The following PLCD1 variants were observed in gnomAD, a reference collection of about 807,000 sequenced individuals.
The protein encoded by PLCD1 is phospholipase C delta 1.
In PLCD1, 71 loss-of-function variants were observed where a neutral mutation model predicts 87.4. The observed-to-expected ratio is 0.81, with a 90% CI of 0.67 to 0.99. PLCD1 has a LOEUF of 0.99. Ranked by LOEUF, PLCD1 falls within the 50% of genes least tolerant of loss-of-function variation. PLCD1 has a pLI of 0.00. For synonymous variants in PLCD1, 348 were observed against 399.2 expected (o/e 0.87, Z 1.53); for missense variants, 867 against 1,001.5 (o/e 0.87, Z 1.81).
rs535613096 is a variant in PLCD1 at position 38,025,556 on chromosome 3, C to T, written c.34+3950G>A. ...CTCAGGTGGGCCTGTTTGCTTCTCT[C>T]GGTTTGACCACCAAAGTGATAATCC... On this transcript the variant is annotated intron_variant, in intron 1 of 14. Coordinates refer to ENST00000334661, the MANE Select transcript of PLCD1 (RefSeq NM_006225.4). The surrounding 1 kb of genome is among the most constrained non-coding windows in gnomAD (Gnocchi z 4.0). Among the ~76,000 whole-genome samples the T allele has an allele frequency of 6.6e-6, 1 of 152,296 alleles. No individual in the cohort carries two copies. Among genetic ancestry groups the T allele is most frequent in the South Asian group, 2.1e-4 (1 of 4,830 alleles).
intron 3 of PLCD1, among the ~76,000 whole-genome samples, chr3:38,012,586 G>A (rs989830389): frequency 4.0e-5 from 6 of 149,082 alleles, no homozygotes; most frequent in African/African-American, 9.9e-5. Flanking sequence ...GCGCGATCTC[G>A]GCTCACTGCA....
intron 6 of PLCD1, 42 bp from the exon 7 acceptor site, chr3:38,010,317 C>T (rs777748018): frequency 2.4e-5 from 38 of 1,613,996 alleles, no homozygotes; most frequent in Middle Eastern, 1.6e-4. Context: ...GGTCCTGTCC[C>T]GGGTCCCACC....
At chr3:38,010,309 T>G (rs751527747) in intron 6 of PLCD1, 34 bp from the exon 7 acceptor site, 11 of 1,614,098 alleles carry the variant, frequency 6.8e-6, no homozygotes, top group Non-Finnish European at 9.3e-6. Context: ...ACCCTCCAGG[T>G]CCTGTCCCGG....
intron 1 of PLCD1, among the ~76,000 whole-genome samples, chr3:38,026,977 G>GT (rs1700317226): frequency 6.6e-6 from 1 of 152,152 alleles, no homozygotes; most frequent in Non-Finnish European, 1.5e-5. Flanking sequence ...GGGATTGGGT[G>GT]TAGGAAAAGT....
rs2230477 is a variant in PLCD1 at position 38,008,506 on chromosome 3, G to A, written c.1854C>T (p.Arg618=). 5,611 of 1,614,142 alleles carry A rather than the reference G, an allele frequency of 3.5e-3. 181 individuals carry two copies. In the African/African-American group the frequency reaches 0.064, roughly 18 times the overall value. ...LRDPNGTFNP[R]ALAQGPWWAR... is the part of the protein sequence containing the mutation. Reference sequence around the variant, plus strand: ...CCCACCAGGGCCCCTGAGCCAGGGCGCGGGGGTTAAAGGTGCCGTTGGGGT... The same window carrying A: ...CCCACCAGGGCCCCTGAGCCAGGGCACGGGGGTTAAAGGTGCCGTTGGGGT... Residue 618 remains arginine, a synonymous_variant, in exon 12 of 15, where the codon CGC becomes CGT. Transcript: ENST00000334661.
chr3:38,012,752 A>G (rs932829917), intron 3 of PLCD1, among the ~76,000 whole-genome samples: 1 of 152,048 alleles, frequency 6.6e-6, no homozygotes, highest in African/African-American at 2.4e-5. Flanking sequence ...CCTCACCTCA[A>G]GTGATCCACC....
At chr3:38,016,455 A>G (rs574540066) in intron 3 of PLCD1, 36 bp downstream of exon 3, 6 of 1,454,930 alleles carry the variant, frequency 4.1e-6, no homozygotes, top group African/African-American at 2.8e-5. Flanking sequence ...CAGTGTCCAC[A>G]AGCCAGGCCT....
Position 38,018,529 on chromosome 3 carries a change from C to T in PLCD1, c.199+1659G>A, listed in dbSNP as rs116813594. On this transcript the variant is annotated intron_variant, in intron 2 of 14. Transcript: ENST00000334661. This position sits in a 1 kb window ranked among gnomAD's most constrained non-coding sequence, Gnocchi z 5.7. ...CTGTCCCAATACAAGGTCCTCCTCT[C>T]GCCAGCTCAAATGTGGTTCCTGCGG... 0.017 allele frequency among the ~76,000 whole-genome samples: 2,564 copies of T among 152,290 alleles called. 38 individuals are homozygous for T. Among genetic ancestry groups the T allele is most frequent in the Non-Finnish European group, 0.028 (1,924 of 68,024 alleles).
chr3:38,014,231 G>A (rs561164431), intron 3 of PLCD1, among the ~76,000 whole-genome samples: 82 of 151,660 alleles, frequency 5.4e-4, no homozygotes, highest in Admixed American at 1.8e-3. Flanking sequence ...CCTAAAATTC[G>A]TATAGAAATT....
intron 1 of PLCD1, among the ~76,000 whole-genome samples, chr3:38,021,974 A>T (rs1211450786): frequency 6.6e-6 from 1 of 152,152 alleles, no homozygotes; most frequent in Non-Finnish European, 1.5e-5. Context: ...CACACTCTTT[A>T]TCCTTCCCCA....
rs779895999 is a variant in PLCD1 at position 38,008,171 on chromosome 3, G to C, written c.2036-8C>G. 2 of 1,613,514 alleles carry C rather than the reference G, an allele frequency of 1.2e-6. No individual in the cohort carries two copies. The highest frequency in any genetic ancestry group is 1.7e-6 in the Non-Finnish European group (2 of 1,180,038). ...CCCACCATGGGTTGAAACCTAGGGG[G>C]ACAGGCACCATATCAGCAGCATGGA... On this transcript the variant is annotated splice_region_variant and splice_polypyrimidine_tract_variant and intron_variant, in intron 13 of 14. Transcript: ENST00000334661.
At chr3:38,024,804 G>A (rs1400294745) in intron 1 of PLCD1, 3 of 1,174,654 alleles carry the variant, frequency 2.6e-6, no homozygotes, top group African/African-American at 3.2e-5. Flanking sequence ...GGCTAAGGAG[G>A]GCAGAGTCAG....
In PLCD1 at chr3:38,016,602, T is replaced by C; in HGVS notation, c.317A>G (p.Asn106Ser). 6.2e-7 allele frequency: 1 copy of C among 1,613,800 alleles called. No individual in the cohort carries two copies. The highest frequency in any genetic ancestry group is 1.3e-5 in the African/African-American group (1 of 75,044). The change falls in exon 3 of 15, where the codon AAT (asparagine) becomes AGT (serine). Residue 106 changes from asparagine (N) to serine (S), a missense_variant. Asn to Ser is a conservative substitution (Grantham distance 46). Coordinates refer to ENST00000334661, the MANE Select transcript of PLCD1 (RefSeq NM_006225.4). ...CGATGGGGCGATGAGGTCTAGTGTA[T>C]TGCGCTGGTCCTTGAAGACAATGGA... The part of the protein sequence containing the change: ...CFSIVFKDQR[N>S]TLDLIAPSPA...
rs533709391 is a variant in PLCD1, at chr3:38,011,942, A to G, written c.429-269T>C. ...GTAGACAATTTAGAAAATGCAGAAA[A>G]GTAAACAATCAAACAAATCTCCCGT... On this transcript the variant is annotated intron_variant, in intron 3 of 14. Transcript: ENST00000334661. 5.3e-5 allele frequency among the ~76,000 whole-genome samples: 8 copies of G among 152,356 alleles called. No individual in the cohort carries two copies. In the South Asian group the frequency reaches 1.4e-3, roughly 28 times the overall value.
Position 38,009,621 on chromosome 3 carries a change from G to A in PLCD1, c.1446+32C>T, listed in dbSNP as rs375162672. On this transcript the variant is annotated intron_variant, in intron 9 of 14. Transcript: ENST00000334661. The stretch of plus-strand genomic sequence containing the variant: ...ACGGGTGAGGGGATGGGGAAGGCCC[G>A]GGCTGCCCCACCCCACAGCTCCCCC... 369 of 1,613,388 alleles carry A rather than the reference G, an allele frequency of 2.3e-4. 1 individual carries two copies. Among genetic ancestry groups the A allele is most frequent in the Non-Finnish European group, 2.9e-4 (338 of 1,179,620 alleles).
chr3:38,015,948 A>G (rs1700148262), intron 3 of PLCD1, among the ~76,000 whole-genome samples: 1 of 152,190 alleles, frequency 6.6e-6, no homozygotes, highest in South Asian at 2.1e-4. Flanking sequence ...AGACGGGGAC[A>G]CAGGGAGTAT....
chr3:38,015,680 C>T (rs1039266538), intron 3 of PLCD1, among the ~76,000 whole-genome samples: 3 of 152,210 alleles, frequency 2.0e-5, no homozygotes, highest in African/African-American at 7.2e-5. Flanking sequence ...CACTTCGAAT[C>T]ATAAACCAGT....
chr3:38,027,795 C>T (rs1700324161), intron 1 of PLCD1, among the ~76,000 whole-genome samples: 1 of 152,246 alleles, frequency 6.6e-6, no homozygotes, highest in Non-Finnish European at 1.5e-5. Context: ...CAACAATTCT[C>T]CTTGACAGGT....
At position 38,011,672 on chromosome 3, in the gene PLCD1, AG is replaced by A. The variant is rs1472808118; in HGVS notation, c.429del (p.Trp144GlyfsTer17). The A allele has an allele frequency of 1.2e-6, 2 of 1,614,082 alleles. No individual in the cohort carries two copies. Among genetic ancestry groups the A allele is most frequent in the African/African-American group, 2.7e-5 (2 of 74,942 alleles). ...GCTTTTCGCAAGCAGGAGTGAATCC[AG>A]CTGGGCAAGAAGTAAGGAAAGAACC... ...GSMDQRQKLQ[H>X]WIHSCLRKAD... is the part of the protein sequence containing the mutation. On this transcript the variant is annotated frameshift_variant and splice_region_variant, in exon 4 of 15. Coordinates refer to ENST00000334661, the MANE Select transcript of PLCD1 (RefSeq NM_006225.4). LOFTEE classifies it high-confidence loss of function.
Sources: allele counts gnomAD v4.1 joint callset (sites outside exome capture counted in the v4.1 genomes callset), GRCh38; gene constraint gnomAD v4.1.1; non-coding constraint Gnocchi (gnomAD v3.1); transcripts MANE v1.5; gene names NCBI Gene and HGNC (gene_info 2026-07-23, HGNC 2026-07-21).